Variants in PDE10A observed in about 807,000 individuals in gnomAD.
PDE10A encodes phosphodiesterase 10A.
In PDE10A, 39 loss-of-function variants were observed where a neutral mutation model predicts 97.7. The observed-to-expected ratio is 0.40, with a 90% CI of 0.31 to 0.52. The LOEUF (loss-of-function observed/expected upper bound fraction) is 0.52. PDE10A is among the 20% of genes least tolerant of loss of function. The pLI is 0.56. For synonymous variants in PDE10A, 371 were observed against 376.8 expected (o/e 0.98, Z 0.18); for missense variants, 731 against 1,047.8 (o/e 0.70, Z 4.17).
chr6:165,979,795 C>A (rs117768823), intron 1 of PDE10A, among the ~76,000 whole-genome samples: 1 of 152,148 alleles, frequency 6.6e-6, no homozygotes, highest in South Asian at 2.1e-4. Context: ...GCGAAAGTCA[C>A]GACACTCAGA....
At chr6:165,670,021 T>C (rs922508454) in intron 1 of PDE10A, among the ~76,000 whole-genome samples, 2 of 152,246 alleles carry the variant, frequency 1.3e-5, no homozygotes, top group African/African-American at 4.8e-5. Flanking sequence ...AGTGGTGAAC[T>C]GGCCAGAAGG....
chr6:165,462,437 A>G (rs1218213409), intron 3 of PDE10A, among the ~76,000 whole-genome samples: 1 of 152,212 alleles, frequency 6.6e-6, no homozygotes, highest in Non-Finnish European at 1.5e-5. Flanking sequence ...AACGTTGGGA[A>G]ATAGGTAAAA....
chr6:165,846,010 G>C (rs75333622), intron 1 of PDE10A, among the ~76,000 whole-genome samples: 3,498 of 152,272 alleles, frequency 0.023, 56 homozygotes, highest in South Asian at 0.083. Flanking sequence ...CTGAATTTGG[G>C]GAGTAGGCAT....
chr6:165,520,189 G>C (rs1327495992), intron 2 of PDE10A, among the ~76,000 whole-genome samples: 5 of 152,130 alleles, frequency 3.3e-5, no homozygotes, highest in Non-Finnish European at 7.3e-5. Flanking sequence ...GACTTATATA[G>C]AGTTCCTTTT....
intron 2 of PDE10A, among the ~76,000 whole-genome samples, chr6:165,499,062 A>G (rs1210437876): frequency 6.6e-6 from 1 of 152,212 alleles, no homozygotes; most frequent in East Asian, 1.9e-4. Context: ...AGTACTTTTC[A>G]TTAAAAAACA....
At chr6:165,370,219 C>A (rs2128200236) in intron 18 of PDE10A, among the ~76,000 whole-genome samples, 1 of 151,296 alleles carries the variant, frequency 6.6e-6, no homozygotes, top group East Asian at 2.0e-4. Context: ...ATCAAATTCA[C>A]ACATAACAAT....
rs1012695952 is a variant in PDE10A at position 165,987,389 on chromosome 6, C to T, written c.-615+140G>A. ...AAGCACAACACACCACACACGCGCA[C>T]ACGTTTTCTTATTGCCAAAAAGGGT... On this transcript the variant is annotated intron_variant, in intron 1 of 19. Transcript: ENST00000366882. The T allele has an allele frequency of 9.5e-6, 3 of 316,716 alleles. No homozygotes were observed. The Admixed American group carries it at 1.4e-4, about 15-fold the overall frequency. 19.6% of individuals were successfully genotyped at this position (316,716 alleles called of 1,614,324 possible).
rs545886271 is a variant in PDE10A, at chr6:165,340,461, C to A, written c.2896-1103G>T. Among the ~76,000 whole-genome samples, 7 of 152,304 alleles carry A rather than the reference C, an allele frequency of 4.6e-5. No homozygotes were observed. The East Asian group carries it at 1.4e-3, about 29-fold the overall frequency. ...CCTGACAAAGCAAAGCCACTTCAAG[C>A]ATGGCTGCTGTTCCATTGTTACCAC... On this transcript the variant is annotated intron_variant, in intron 19 of 21. Coordinates refer to ENST00000539869, the MANE Select transcript of PDE10A (RefSeq NM_001385079.1).
At position 165,655,805 on chromosome 6, in the gene PDE10A, C is replaced by T. The variant is rs1369113865; in HGVS notation, c.865+6142G>A. Among the ~76,000 whole-genome samples, 2 of 152,118 alleles carry T rather than the reference C, an allele frequency of 1.3e-5. No individual in the cohort carries two copies. The highest frequency in any genetic ancestry group is 1.5e-5 in the Non-Finnish European group (1 of 68,012). ...TCCTCTGACTGACAAAGCCTTCATC[C>T]GGCCCATTTGCCACTTCACTTGCCA... is the stretch of plus-strand genomic sequence containing the variant. On this transcript the variant is annotated intron_variant, in intron 1 of 21. Coordinates refer to ENST00000539869, the MANE Select transcript of PDE10A (RefSeq NM_001385079.1). This position sits in a 1 kb window ranked among gnomAD's most constrained non-coding sequence, Gnocchi z 4.5.
chr6:165,778,106 ACT>A (rs1778242131), intron 1 of PDE10A, among the ~76,000 whole-genome samples: 1 of 151,552 alleles, frequency 6.6e-6, no homozygotes, highest in Non-Finnish European at 1.5e-5. Flanking sequence ...ACGGAGTCTC[ACT>A]CTGTCACCCA....
chr6:165,869,096 C>A (rs1781131826), intron 1 of PDE10A, among the ~76,000 whole-genome samples: 1 of 151,946 alleles, frequency 6.6e-6, no homozygotes, highest in Admixed American at 6.6e-5. Context: ...GAAGTCCTAG[C>A]CATAGCAATC....
chr6:165,638,986 C>T (rs892375559), intron 1 of PDE10A, among the ~76,000 whole-genome samples: 1 of 142,878 alleles, frequency 7.0e-6, no homozygotes, highest in Non-Finnish European at 1.5e-5. Flanking sequence ...CCTTCACATT[C>T]ATTATTTCAT....
chr6:165,791,080 A>T (rs549944679), intron 1 of PDE10A, among the ~76,000 whole-genome samples: 5 of 152,120 alleles, frequency 3.3e-5, no homozygotes, highest in African/African-American at 1.2e-4. Flanking sequence ...AAGTAGCTGA[A>T]ACTACAGGTG....
At chr6:165,714,002 T>G (rs1031104563) in intron 1 of PDE10A, among the ~76,000 whole-genome samples, 1 of 152,200 alleles carries the variant, frequency 6.6e-6, no homozygotes, top group Non-Finnish European at 1.5e-5. Context: ...ATGCATACAC[T>G]GCCCATGTAT....
chr6:165,631,752 T>G (rs573304602), intron 1 of PDE10A, among the ~76,000 whole-genome samples: 1 of 152,370 alleles, frequency 6.6e-6, no homozygotes, highest in South Asian at 2.1e-4. Flanking sequence ...CTGTGCAGTA[T>G]GCTACAGATG....
chr6:165,950,950 C>T (rs1783937218), intron 1 of PDE10A, among the ~76,000 whole-genome samples: 1 of 152,154 alleles, frequency 6.6e-6, no homozygotes, highest in Non-Finnish European at 1.5e-5. Context: ...TGAAAAGATC[C>T]TGATTTCTTT....
intron 1 of PDE10A, among the ~76,000 whole-genome samples, chr6:165,621,917 T>G (rs549412807): frequency 1.3e-5 from 2 of 152,306 alleles, no homozygotes; most frequent in South Asian, 4.1e-4. Flanking sequence ...TGAGGCCCAG[T>G]TGTTTGGCCG....
intron 1 of PDE10A, among the ~76,000 whole-genome samples, chr6:165,594,953 A>G (rs1277683663): frequency 6.6e-6 from 1 of 152,226 alleles, no homozygotes; most frequent in African/African-American, 2.4e-5. Flanking sequence ...ATGAATTATG[A>G]TTATCCGCAA....
chr6:165,879,074 C>A (rs1385815466), intron 1 of PDE10A, among the ~76,000 whole-genome samples: 1 of 152,176 alleles, frequency 6.6e-6, no homozygotes, highest in African/African-American at 2.4e-5. Flanking sequence ...AGATGTCAGT[C>A]TGAAATTTGG....
Sources: gnomAD v4.1 joint callset for allele counts (sites outside exome capture counted in the v4.1 genomes callset) on GRCh38, gnomAD v4.1.1 for gene constraint, Gnocchi (gnomAD v3.1) non-coding constraint, MANE v1.5 for transcripts, NCBI Gene and HGNC (gene_info 2026-07-23, HGNC 2026-07-21) for gene names.